The following RRBP1 variants were observed in gnomAD, a reference collection of about 807,000 sequenced individuals.
RRBP1 encodes ribosome binding protein 1, also known as ribosome-binding protein 1.
A neutral mutation model predicts 165.2 loss-of-function variants in RRBP1; 94 were observed. That is an observed-to-expected ratio of 0.57 (90% CI 0.48 to 0.68). The LOEUF is 0.68. Ranked by LOEUF, RRBP1 falls within the 30% of genes least tolerant of loss-of-function variation. RRBP1 has a pLI of 0.00. For missense variants in RRBP1, 1,676 were observed against 1,763.0 expected, an observed-to-expected ratio of 0.95 and a Z score of 0.88; for synonymous variants, 680 against 714.5, an observed-to-expected ratio of 0.95 and a Z score of 0.77.
In RRBP1 at chr20:17,643,795, G is replaced by A. The variant is rs1209898371; in HGVS notation, c.1913-668C>T. On this transcript the variant is annotated intron_variant, in intron 3 of 24. Coordinates refer to ENST00000377813, the MANE Select transcript of RRBP1 (RefSeq NM_001365613.2). The surrounding 1 kb of genome is among the most constrained non-coding windows in gnomAD (Gnocchi z 4.3). Reference sequence around the variant, plus strand: ...TCCACTGGCCAGTCCATGAGTGACTGCCTGGAGGACAGGGAGCCATCTGCC... The same window carrying A: ...TCCACTGGCCAGTCCATGAGTGACTACCTGGAGGACAGGGAGCCATCTGCC... Among the ~76,000 whole-genome samples, 3 of 152,174 alleles carry A rather than the reference G, an allele frequency of 2.0e-5. No homozygotes were observed. The highest frequency in any genetic ancestry group is 7.2e-5 in the African/African-American group (3 of 41,440).
intron 3 of RRBP1, among the ~76,000 whole-genome samples, chr20:17,649,775 A>C (rs1020584270): frequency 1.3e-5 from 2 of 152,074 alleles, no homozygotes; most frequent in African/African-American, 2.4e-5. Flanking sequence ...ATTTTAGGTT[A>C]CATTTCCTAT....
chr20:17,627,750 C>G, intron 9 of RRBP1, 68 bp from the exon 10 acceptor site: 1 of 1,445,762 alleles, frequency 6.9e-7, no homozygotes, highest in African/African-American at 1.4e-5. Flanking sequence ...AGGATGCCCT[C>G]ACTGCTGCCC....
chr20:17,642,923 C>T, intron 4 of RRBP1, 56 bp downstream of exon 4: 1 of 1,581,810 alleles, frequency 6.3e-7, no homozygotes, highest in Non-Finnish European at 8.6e-7. Flanking sequence ...AAGGGCAAAA[C>T]CACCCTAGCC....
At position 17,615,924 on chromosome 20, in the gene RRBP1, ACCT is replaced by A. The variant is rs748700312; in HGVS notation, c.3950_3951+1del. 2 of 1,609,060 alleles carry A rather than the reference ACCT, an allele frequency of 1.2e-6. No homozygotes were observed. The highest frequency in any genetic ancestry group is 8.5e-7 in the Non-Finnish European group (1 of 1,179,534). ...GCTGAGAGCCACCAGGCAGGGCCTG[ACCT>A]CCTCAAACTCGGCCGTGAGCTTCTG... On this transcript the variant is annotated splice_donor_variant and coding_sequence_variant, in exon 22 of 25. Transcript: ENST00000377813. LOFTEE classifies it high-confidence loss of function.
At chr20:17,620,879 T>G in intron 16 of RRBP1, 72 bp from the exon 17 acceptor site, 2 of 1,143,148 alleles carry the variant, frequency 1.7e-6, no homozygotes, top group Non-Finnish European at 2.5e-6. Context: ...CATCTTCCTG[T>G]CCCTGCAGCC....
intron 2 of RRBP1, among the ~76,000 whole-genome samples, chr20:17,668,684 A>G (rs919674293): frequency 6.6e-6 from 1 of 152,196 alleles, no homozygotes; most frequent in Non-Finnish European, 1.5e-5. Context: ...ACAGCCCTTC[A>G]AGGGTTCAAG....
At chr20:17,629,162 T>C (rs1284935662) in intron 9 of RRBP1, among the ~76,000 whole-genome samples, 1 of 152,238 alleles carries the variant, frequency 6.6e-6, no homozygotes, top group East Asian at 1.9e-4. Flanking sequence ...TCCTTGCAGG[T>C]GACTCTGTCG....
At chr20:17,628,027 T>G (rs2036066072) in intron 9 of RRBP1, among the ~76,000 whole-genome samples, 1 of 152,138 alleles carries the variant, frequency 6.6e-6, no homozygotes, top group Non-Finnish European at 1.5e-5. Flanking sequence ...CAGAAGTTCC[T>G]TAGAAAGTGG....
chr20:17,636,470 T>A (rs1441225432), intron 6 of RRBP1, 107 bp downstream of exon 6: 7 of 1,374,252 alleles, frequency 5.1e-6, no homozygotes, highest in Non-Finnish European at 7.0e-6. Flanking sequence ...GTGGGCATCC[T>A]CAACCCCCTC....
intron 19 of RRBP1, 28 bp from the exon 20 acceptor site, chr20:17,618,707 G>A (rs1319079046): frequency 1.9e-6 from 3 of 1,560,430 alleles, no homozygotes; most frequent in Non-Finnish European, 2.6e-6. Context: ...GGCGGGTGAT[G>A]GGAAAAAAGG....
rs1021162709 is a variant in RRBP1 at position 17,630,064 on chromosome 20, C to A, written c.2611-103G>T. On this transcript the variant is annotated intron_variant, in intron 8 of 24. Coordinates refer to ENST00000377813, the MANE Select transcript of RRBP1 (RefSeq NM_001365613.2). ...AGAGCTCTTTACCCCACCAAAGCCC[C>A]GTGCAGTCTCTGGTCCATGTGGGAA... 5.4e-6 allele frequency: 7 copies of A among 1,296,286 alleles called. No individual in the cohort carries two copies. In the African/African-American group the frequency reaches 7.3e-5, roughly 14 times the overall value. 80.3% of individuals were successfully genotyped at this position (1,296,286 alleles called of 1,614,324 possible).
rs781498923 is a variant in RRBP1, at chr20:17,621,792, G to A, written c.3241-19C>T. The A allele has an allele frequency of 9.9e-6, 16 of 1,613,542 alleles. No homozygotes were observed. Among genetic ancestry groups the A allele is most frequent in the Non-Finnish European group, 1.2e-5 (14 of 1,179,672 alleles). On this transcript the variant is annotated intron_variant, in intron 14 of 24. Transcript: ENST00000377813. ...TGTAATTCTGCAATGAAACACATTC[G>A]GTGAGACCCGGGGACATTCCCTGAG... is the stretch of plus-strand genomic sequence containing the variant.
chr20:17,681,659 A>G (rs1313572655), intron 1 of RRBP1, among the ~76,000 whole-genome samples: 1 of 147,092 alleles, frequency 6.8e-6, no homozygotes, highest in African/African-American at 2.5e-5. Context: ...CCCCGCCGCC[A>G]ACTTTCTTCG....
intron 8 of RRBP1, among the ~76,000 whole-genome samples, chr20:17,631,105 A>T (rs2122310139): frequency 6.6e-6 from 1 of 152,328 alleles, no homozygotes; most frequent in Admixed American, 6.5e-5. Flanking sequence ...GCAGGGGATT[A>T]CTCAGTTCCA....
intron 6 of RRBP1, 42 bp downstream of exon 6, chr20:17,636,535 G>A (rs1314361576): frequency 1.9e-6 from 3 of 1,597,172 alleles, no homozygotes; most frequent in Non-Finnish European, 2.6e-6. Flanking sequence ...ACCTGGACTG[G>A]GTCCTGTCCC....
chr20:17,651,809 T>G (rs2036564302), intron 3 of RRBP1, among the ~76,000 whole-genome samples: 1 of 152,254 alleles, frequency 6.6e-6, no homozygotes, highest in African/African-American at 2.4e-5. Context: ...GCAGGTGTTC[T>G]CTGTCAAATA....
intron 2 of RRBP1, among the ~76,000 whole-genome samples, chr20:17,676,036 C>G (rs1227391858): frequency 6.6e-6 from 1 of 152,138 alleles, no homozygotes; most frequent in Non-Finnish European, 1.5e-5. Flanking sequence ...GGCAAGACAC[C>G]ATTTCTACAA....
chr20:17,616,045 G>C (rs781365573), intron 21 of RRBP1, 36 bp from the exon 22 acceptor site: 2 of 1,578,202 alleles, frequency 1.3e-6, no homozygotes, highest in Non-Finnish European at 1.7e-6. Flanking sequence ...CGGCAGCCCG[G>C]TGAGGAACCC....
chr20:17,628,374 C>T (rs1369323945), intron 9 of RRBP1, among the ~76,000 whole-genome samples: 1 of 152,224 alleles, frequency 6.6e-6, no homozygotes, highest in African/African-American at 2.4e-5. Context: ...CGAGCCCACA[C>T]CCGCCATCTG....
Sources: allele counts gnomAD v4.1 joint callset (sites outside exome capture counted in the v4.1 genomes callset), GRCh38; gene constraint gnomAD v4.1.1; non-coding constraint Gnocchi (gnomAD v3.1); transcripts MANE v1.5; gene names NCBI Gene and HGNC (gene_info 2026-07-23, HGNC 2026-07-21).